GABRA4: variants seen among roughly 807,000 people sequenced by gnomAD.
The protein encoded by GABRA4 is gamma-aminobutyric acid receptor subunit alpha-4.
Under a neutral mutation model 49.7 loss-of-function variants are expected in GABRA4, and 12 were observed. The ratio of observed to expected loss-of-function variants is 0.24; its 90% CI spans 0.15 to 0.39. The LOEUF (loss-of-function observed/expected upper bound fraction) is 0.39. Ranked by LOEUF, GABRA4 falls within the 10% of genes least tolerant of loss-of-function variation. GABRA4 has a pLI of 1.00. For synonymous variants in GABRA4, 288 were observed against 240.2 expected, an observed-to-expected ratio of 1.20 and a Z score of -1.84; for missense variants, 506 against 686.0, an observed-to-expected ratio of 0.74 and a Z score of 2.93.
Position 46,979,141 on chromosome 4 carries a change from A to G in GABRA4, c.206-43T>C, listed in dbSNP as rs1723258900. 15 of 1,216,612 alleles carry G rather than the reference A, an allele frequency of 1.2e-5. No homozygotes were observed. In the East Asian group the frequency reaches 3.3e-4, roughly 26 times the overall value. 75.4% of individuals were successfully genotyped at this position (1,216,612 alleles called of 1,614,324 possible). A position where few individuals can be genotyped will look rare whatever the true frequency, so the allele number is the denominator to read the frequency against. On this transcript the variant is annotated intron_variant, in intron 2 of 8. Transcript: ENST00000264318. ...AATAAGTGTGAAAAAATAATTACCA[A>G]TTTTACAGGCTGGGAAGGTTAGATA...
At chr4:46,937,240 C>A (rs1416935212) in intron 8 of GABRA4, among the ~76,000 whole-genome samples, 6 of 152,184 alleles carry the variant, frequency 3.9e-5, no homozygotes, top group African/African-American at 1.4e-4. Context: ...AGACAGGAAT[C>A]CTCACAAGAA....
intron 8 of GABRA4, among the ~76,000 whole-genome samples, chr4:46,963,652 C>G (rs186203744): frequency 2.0e-5 from 3 of 151,758 alleles, no homozygotes; most frequent in African/African-American, 7.3e-5. Context: ...ACTAATACAG[C>G]AGACATTTCT....
chr4:46,934,017 A>G (rs189401134), intron 8 of GABRA4, among the ~76,000 whole-genome samples: 2 of 152,278 alleles, frequency 1.3e-5, no homozygotes, highest in East Asian at 3.9e-4. Context: ...ACTGCAAAAA[A>G]AACTCATCTC....
intron 8 of GABRA4, among the ~76,000 whole-genome samples, chr4:46,934,610 G>T (rs1721545670): frequency 6.6e-6 from 1 of 152,096 alleles, no homozygotes; most frequent in African/African-American, 2.4e-5. Flanking sequence ...TCAGGCACTG[G>T]GATAAACTTT....
At chr4:46,992,573 C>T (rs753000068) in intron 2 of GABRA4, 35 of 492,054 alleles carry the variant, frequency 7.1e-5, no homozygotes, top group Non-Finnish European at 1.2e-4. Flanking sequence ...TCCAACCTCC[C>T]CCACCCAGCA....
At chr4:46,961,547 G>A (rs1722573713) in intron 8 of GABRA4, among the ~76,000 whole-genome samples, 2 of 151,854 alleles carry the variant, frequency 1.3e-5, no homozygotes, top group African/African-American at 4.8e-5. Context: ...TTCTAAACAG[G>A]AAATCGGGCA....
At position 46,920,442 on chromosome 4, in the gene GABRA4, G is replaced by C. The variant is rs1720979368; in HGVS notation, c.*7783C>G. On this transcript the variant is annotated 3_prime_UTR_variant, in exon 9 of 9. Transcript: ENST00000264318. ...ACATATGAGAAAATATGAAATATGA[G>C]ACATGAGAAATATTAAACGAGTTCA... The C allele has an allele frequency of 6.6e-6, 1 of 151,492 alleles. No homozygotes were observed. Among genetic ancestry groups the C allele is most frequent in the South Asian group, 2.1e-4 (1 of 4,820 alleles). 9.4% of individuals were successfully genotyped at this position (151,492 alleles called of 1,614,324 possible). A position where few individuals can be genotyped will look rare whatever the true frequency, so the allele number is the denominator to read the frequency against.
At chr4:46,947,130 G>A (rs1008851499) in intron 8 of GABRA4, among the ~76,000 whole-genome samples, 9 of 151,548 alleles carry the variant, frequency 5.9e-5, no homozygotes, top group Middle Eastern at 6.8e-3. Context: ...GATAATGTAT[G>A]TCATTCCTAC....
rs1405574172 is a variant in GABRA4 at position 46,925,975 on chromosome 4, TAGA to T, written c.*2247_*2249del. 2 of 151,578 alleles carry T rather than the reference TAGA, an allele frequency of 1.3e-5. No homozygotes were observed. Among genetic ancestry groups the T allele is most frequent in the African/African-American group, 2.4e-5 (1 of 41,338 alleles). The allele number at this position is 151,578 out of a possible 1,614,324, so 9.4% of individuals were successfully genotyped here. A position where few individuals can be genotyped will look rare whatever the true frequency, so the allele number is the denominator to read the frequency against. On this transcript the variant is annotated 3_prime_UTR_variant, in exon 9 of 9. Transcript: ENST00000264318. ...ATCTCTTTACACTCTGTAAGATTTG[TAGA>T]AGAACACTTTTTTTTAAAGGAAGCC...
intron 8 of GABRA4, among the ~76,000 whole-genome samples, chr4:46,936,045 CA>C (rs986671256): frequency 6.6e-6 from 1 of 152,076 alleles, no homozygotes; most frequent in African/African-American, 2.4e-5. Flanking sequence ...CAACAACAGC[CA>C]AAACAATGGT....
intron 3 of GABRA4, 50 bp from the exon 4 acceptor site, chr4:46,977,680 A>G: frequency 7.9e-7 from 1 of 1,261,570 alleles, no homozygotes; most frequent in Non-Finnish European, 1.1e-6. Flanking sequence ...ACTACACATA[A>G]GTATGTGAAA....
At chr4:46,939,727 A>G (rs1465313853) in intron 8 of GABRA4, among the ~76,000 whole-genome samples, 1 of 152,028 alleles carries the variant, frequency 6.6e-6, no homozygotes, top group African/African-American at 2.4e-5. Flanking sequence ...TTACATTTAC[A>G]TAGTTTCCAT....
At chr4:46,941,424 T>G (rs898615538) in intron 8 of GABRA4, among the ~76,000 whole-genome samples, 3 of 152,116 alleles carry the variant, frequency 2.0e-5, no homozygotes, top group African/African-American at 7.2e-5. Flanking sequence ...ATAATAACAA[T>G]AACTACTACT....
At position 46,971,069 on chromosome 4, in the gene GABRA4, T is replaced by G; in HGVS notation, c.874+14A>C. 1.3e-6 allele frequency: 2 copies of G among 1,595,762 alleles called. No individual in the cohort carries two copies. The highest frequency in any genetic ancestry group is 1.7e-6 in the Non-Finnish European group (2 of 1,172,588). ...AATGTGAACAAAAACGCCCAAGAAA[T>G]GAATTGCAATTACCAAATACAGTCC... On this transcript the variant is annotated intron_variant, in intron 7 of 8. Coordinates refer to ENST00000264318, the MANE Select transcript of GABRA4 (RefSeq NM_000809.4).
chr4:46,992,955 G>GGA lies in GABRA4; in HGVS notation c.87-10_87-9insTC. 7.7e-7 allele frequency: 1 copy of GGA among 1,301,046 alleles called. No individual in the cohort carries two copies. Among genetic ancestry groups the GGA allele is most frequent in the Non-Finnish European group, 1.1e-6 (1 of 924,978 alleles). The allele number at this position is 1,301,046 out of a possible 1,614,324, so 80.6% of individuals were successfully genotyped here. A position where few individuals can be genotyped will look rare whatever the true frequency, so the allele number is the denominator to read the frequency against. On this transcript the variant is annotated splice_polypyrimidine_tract_variant and intron_variant, in intron 1 of 8. Transcript: ENST00000264318. ...CTGGGGATTCGTTTAAACTGCAAGCGAAAAAAAAAAAACCGGGGGCGGAGG... is the reference window on the plus strand; with the variant it reads ...CTGGGGATTCGTTTAAACTGCAAGCGGAAAAAAAAAAAAACCGGGGGCGGAGG...
intron 2 of GABRA4, among the ~76,000 whole-genome samples, chr4:46,992,329 A>G (rs1215412120): frequency 2.0e-5 from 3 of 152,360 alleles, no homozygotes; most frequent in East Asian, 1.9e-4. Context: ...AGAGAAAAGG[A>G]AAGGACTGGG....
chr4:46,943,792 A>ATTAT (rs1190139979), intron 8 of GABRA4, among the ~76,000 whole-genome samples: 1 of 151,996 alleles, frequency 6.6e-6, no homozygotes. Context: ...CTTTATAAAC[A>ATTAT]TTATTTATTT....
intron 6 of GABRA4, 137 bp from the exon 7 acceptor site, chr4:46,971,372 A>AT: frequency 1.4e-6 from 1 of 732,118 alleles, no homozygotes; most frequent in Non-Finnish European, 2.4e-6. Flanking sequence ...ACAAACATCA[A>AT]TAAGTATGTA....
At chr4:46,967,711 A>G (rs1174815438) in intron 7 of GABRA4, among the ~76,000 whole-genome samples, 1 of 151,636 alleles carries the variant, frequency 6.6e-6, no homozygotes, top group African/African-American at 2.4e-5. Flanking sequence ...CCCTGAACAC[A>G]TTTAAAAGCC....
Sources: allele counts gnomAD v4.1 joint callset (sites outside exome capture counted in the v4.1 genomes callset), GRCh38; gene constraint gnomAD v4.1.1; transcripts MANE v1.5; gene names NCBI Gene and HGNC (gene_info 2026-07-23, HGNC 2026-07-21).